The following AGBL4 variants were observed in gnomAD, a reference collection of about 807,000 sequenced individuals.
The protein encoded by AGBL4 is cytosolic carboxypeptidase 6.
Under a neutral mutation model 66.4 loss-of-function variants are expected in AGBL4, and 58 were observed. The observed-to-expected ratio is 0.87, with a 90% CI of 0.71 to 1.09. AGBL4 has a LOEUF of 1.09. Ranked by LOEUF, AGBL4 falls within the 50% of genes least tolerant of loss-of-function variation. The pLI, the probability that AGBL4 is intolerant of heterozygous loss-of-function variation, is 0.00. For synonymous variants in AGBL4, 234 were observed against 222.9 expected (o/e 1.05, Z -0.44); for missense variants, 579 against 631.0 (o/e 0.92, Z 0.88).
intron 6 of AGBL4, among the ~76,000 whole-genome samples, chr1:48,819,794 C>T (rs1251054817): frequency 6.6e-6 from 1 of 152,194 alleles, no homozygotes; most frequent in Non-Finnish European, 1.5e-5. Flanking sequence ...TTTCTGTTCT[C>T]TTTAAAGTGT....
At chr1:49,681,650 G>A (rs1646695339) in intron 3 of AGBL4, among the ~76,000 whole-genome samples, 1 of 152,128 alleles carries the variant, frequency 6.6e-6, no homozygotes, top group South Asian at 2.1e-4. Context: ...AGGAAAACTA[G>A]GGAAAAATAT....
At chr1:48,763,912 T>C (rs1011890267) in intron 6 of AGBL4, among the ~76,000 whole-genome samples, 2 of 152,190 alleles carry the variant, frequency 1.3e-5, no homozygotes, top group African/African-American at 2.4e-5. Flanking sequence ...CTCACTGTTG[T>C]GCAAGGTCAC....
At chr1:48,689,425 CTTTCTTCT>C (rs567324081) in intron 6 of AGBL4, among the ~76,000 whole-genome samples, 2,749 of 147,766 alleles carry the variant, frequency 0.019, 102 homozygotes, top group African/African-American at 0.067. Context: ...TCCTTCCTTC[CTTTCTTCT>C]TTCCTTCCCT....
chr1:48,838,447 C>T (rs1646731401), intron 6 of AGBL4, among the ~76,000 whole-genome samples: 1 of 152,064 alleles, frequency 6.6e-6, no homozygotes, highest in Non-Finnish European at 1.5e-5. Flanking sequence ...AAAGGAAAAG[C>T]TCTTTAGTAA....
At chr1:48,662,416 C>A (rs759503961) in intron 7 of AGBL4, among the ~76,000 whole-genome samples, 3 of 152,138 alleles carry the variant, frequency 2.0e-5, no homozygotes, top group Non-Finnish European at 4.4e-5. Flanking sequence ...CAGTGTGCCA[C>A]CTCCCTTGAG....
Position 48,653,537 on chromosome 1 carries a change from G to T in AGBL4, c.725-86C>A, listed in dbSNP as rs967346332. On this transcript the variant is annotated intron_variant, in intron 7 of 13. Coordinates refer to ENST00000371839, the MANE Select transcript of AGBL4 (RefSeq NM_032785.4). ...TTTCTCAGCTTGGAAAACAAGAAGA[G>T]CTCAATAGGTGATTTTGGCCTGTGT... 3 of 1,023,574 alleles carry T rather than the reference G, an allele frequency of 2.9e-6. No individual in the cohort carries two copies. In the Admixed American group the frequency reaches 6.6e-5, roughly 22 times the overall value. The allele number at this position is 1,023,574 out of a possible 1,614,324, so 63.4% of individuals were successfully genotyped here.
At chr1:49,033,205 G>A (rs1307662724) in intron 5 of AGBL4, among the ~76,000 whole-genome samples, 1 of 152,090 alleles carries the variant, frequency 6.6e-6, no homozygotes, top group Non-Finnish European at 1.5e-5. Flanking sequence ...ATGGTGACTT[G>A]TGAAGTGGCC....
chr1:49,911,704 T>G (rs540746417), intron 1 of AGBL4, among the ~76,000 whole-genome samples: 8 of 152,080 alleles, frequency 5.3e-5, no homozygotes, highest in Non-Finnish European at 1.2e-4. Flanking sequence ...TGCTTGCTGG[T>G]TCAAGCCTGG....
intron 1 of AGBL4, among the ~76,000 whole-genome samples, chr1:49,987,902 A>C (rs1572016403): frequency 6.6e-6 from 1 of 151,874 alleles, no homozygotes; most frequent in East Asian, 1.9e-4. Context: ...AGTCTAATTC[A>C]AGTTCATGCC....
intron 3 of AGBL4, among the ~76,000 whole-genome samples, chr1:49,256,424 T>A (rs1405324907): frequency 6.6e-6 from 1 of 152,168 alleles, no homozygotes; most frequent in African/African-American, 2.4e-5. Context: ...AAAATTTTAT[T>A]GTGATACCAA....
At chr1:48,734,678 A>G (rs1340772776) in intron 6 of AGBL4, among the ~76,000 whole-genome samples, 9 of 152,160 alleles carry the variant, frequency 5.9e-5, no homozygotes, top group Admixed American at 5.9e-4. Flanking sequence ...TCAGACCATT[A>G]TAAAGATGCT....
chr1:49,874,851 T>A (rs2148120968), intron 1 of AGBL4, among the ~76,000 whole-genome samples: 1 of 152,150 alleles, frequency 6.6e-6, no homozygotes, highest in East Asian at 1.9e-4. Context: ...ATACTTTAAG[T>A]TTTAGGGTAC....
At chr1:49,206,823 A>G (rs532650856) in intron 4 of AGBL4, among the ~76,000 whole-genome samples, 1 of 147,886 alleles carries the variant, frequency 6.8e-6, no homozygotes, top group Admixed American at 6.8e-5. Flanking sequence ...ATGGGTGAAA[A>G]CTTTATAAAG....
At chr1:48,842,295 T>C in intron 6 of AGBL4, among the ~76,000 whole-genome samples, 1 of 152,112 alleles carries the variant, frequency 6.6e-6, no homozygotes, top group East Asian at 1.9e-4. Flanking sequence ...TGGATGAGTG[T>C]ATTTCACTGA....
At chr1:48,810,876 A>G (rs942042243) in intron 6 of AGBL4, among the ~76,000 whole-genome samples, 2 of 152,040 alleles carry the variant, frequency 1.3e-5, no homozygotes, top group African/African-American at 2.4e-5. Flanking sequence ...CCAAGTCTCA[A>G]ATTTGACCTT....
At chr1:49,059,897 G>C (rs916152567) in intron 4 of AGBL4, among the ~76,000 whole-genome samples, 2 of 152,172 alleles carry the variant, frequency 1.3e-5, no homozygotes, top group Non-Finnish European at 1.5e-5. Context: ...TGTACCCCCA[G>C]TGTATCTAGG....
At chr1:49,363,834 C>T (rs878994870) in intron 3 of AGBL4, among the ~76,000 whole-genome samples, 1 of 152,152 alleles carries the variant, frequency 6.6e-6, no homozygotes, top group African/African-American at 2.4e-5. Flanking sequence ...CTGCTATGTA[C>T]TAGGGATAAA....
At chr1:49,200,179 G>A (rs1647575537) in intron 4 of AGBL4, among the ~76,000 whole-genome samples, 1 of 152,074 alleles carries the variant, frequency 6.6e-6, no homozygotes, top group Admixed American at 6.6e-5. Flanking sequence ...TAATTTGTGT[G>A]GGTACTGTCT....
chr1:48,898,522 G>C (rs1480650044), intron 5 of AGBL4, among the ~76,000 whole-genome samples: 3 of 152,086 alleles, frequency 2.0e-5, no homozygotes, highest in Non-Finnish European at 4.4e-5. Context: ...TCTGCATATA[G>C]TTATCTAGCT....
Sources: allele counts gnomAD v4.1 joint callset (sites outside exome capture counted in the v4.1 genomes callset), GRCh38; gene constraint gnomAD v4.1.1; transcripts MANE v1.5; gene names NCBI Gene and HGNC (gene_info 2026-07-23, HGNC 2026-07-21).